Variants in ESRRG observed in about 807,000 individuals in gnomAD.
ESRRG encodes estrogen related receptor gamma.
ESRRG carries 13 observed loss-of-function variants against 44.0 expected under a neutral mutation model. The ratio of observed to expected loss-of-function variants is 0.30; its 90% CI spans 0.19 to 0.47. The LOEUF (loss-of-function observed/expected upper bound fraction) is 0.47, where lower values mean the gene tolerates loss of function less well. Among genes scored for constraint, ESRRG ranks in the 20% least tolerant of loss-of-function variants. The pLI, the probability that ESRRG is intolerant of heterozygous loss-of-function variation, is 1.00. For missense variants in ESRRG, 395 were observed against 580.6 expected, an observed-to-expected ratio of 0.68 and a Z score of 3.29; for synonymous variants, 215 against 214.6, an observed-to-expected ratio of 1.00 and a Z score of -0.02.
At chr1:216,559,720 T>C (rs2058342864) in intron 5 of ESRRG, among the ~76,000 whole-genome samples, 1 of 152,224 alleles carries the variant, frequency 6.6e-6, no homozygotes, top group South Asian at 2.1e-4. Context: ...TTAAGATGGG[T>C]ATTTTATCCA....
chr1:216,550,978 A>C (rs888154088), intron 5 of ESRRG, among the ~76,000 whole-genome samples: 1 of 152,158 alleles, frequency 6.6e-6, no homozygotes, highest in African/African-American at 2.4e-5. Context: ...AGAGAGCCGC[A>C]GAACGGTCAA....
intron 2 of ESRRG, among the ~76,000 whole-genome samples, chr1:216,932,030 G>A (rs1047741896): frequency 2.6e-5 from 4 of 151,796 alleles, no homozygotes; most frequent in South Asian, 2.1e-4. Context: ...ATGGTGAAAC[G>A]TGGTCTCTAC....
chr1:216,885,596 C>T (rs2096504198), intron 2 of ESRRG, among the ~76,000 whole-genome samples: 1 of 151,126 alleles, frequency 6.6e-6, no homozygotes, highest in African/African-American at 2.4e-5. Context: ...TTGATGCAAT[C>T]TTAAAGGTTT....
chr1:216,680,853 A>G (rs1398404030), intron 1 of ESRRG, among the ~76,000 whole-genome samples: 1 of 152,194 alleles, frequency 6.6e-6, no homozygotes, highest in Non-Finnish European at 1.5e-5. Flanking sequence ...CTTCACTTCA[A>G]TCTAAAATTA....
intron 2 of ESRRG, among the ~76,000 whole-genome samples, chr1:216,912,950 C>T (rs557797574): frequency 7.3e-4 from 111 of 151,618 alleles, no homozygotes; most frequent in Non-Finnish European, 1.5e-3. Context: ...GATGAAACCT[C>T]GTCTCTACTA....
At chr1:216,535,460 A>G (rs2050660098) in intron 5 of ESRRG, among the ~76,000 whole-genome samples, 1 of 151,848 alleles carries the variant, frequency 6.6e-6, no homozygotes, top group Non-Finnish European at 1.5e-5. Flanking sequence ...TGCAAACATG[A>G]TCTCACCTCC....
chr1:216,722,174 T>C (rs2152072523), intron 1 of ESRRG, among the ~76,000 whole-genome samples: 1 of 152,374 alleles, frequency 6.6e-6, no homozygotes, highest in South Asian at 2.1e-4. Flanking sequence ...TTTGATATTT[T>C]CTTCACAATC....
At chr1:216,574,348 T>TA (rs907997790) in intron 3 of ESRRG, among the ~76,000 whole-genome samples, 4 of 151,692 alleles carry the variant, frequency 2.6e-5, no homozygotes, top group Non-Finnish European at 5.9e-5. Flanking sequence ...GGGCAAGGAG[T>TA]AAAAAAAATG....
chr1:216,559,425 C>T (rs545572988), intron 5 of ESRRG, among the ~76,000 whole-genome samples: 1 of 152,268 alleles, frequency 6.6e-6, no homozygotes, highest in Non-Finnish European at 1.5e-5. Context: ...AAACTTGGAG[C>T]CAGTTAAGAG....
intron 1 of ESRRG, among the ~76,000 whole-genome samples, chr1:216,722,308 C>T (rs2086510053): frequency 6.6e-6 from 1 of 152,116 alleles, no homozygotes; most frequent in Non-Finnish European, 1.5e-5. Flanking sequence ...TGACAGCTCT[C>T]GTGATATACT....
rs367582979 is a variant in ESRRG, at chr1:216,831,436, AGGAAAACAAG to A, written c.-14+108136_-14+108145del. On this transcript the variant is annotated intron_variant, in intron 2 of 7. Transcript: ENST00000359162. ...TGAAGCCTGAGGAGACAGAGCTCTG[AGGAAAACAAG>A]GGAAAACAAAGGTTTTTCAGCCTCT... Among the ~76,000 whole-genome samples, 442 of 151,820 alleles carry A rather than the reference AGGAAAACAAG, an allele frequency of 2.9e-3. 3 individuals carry two copies. Among genetic ancestry groups the A allele is most frequent in the Middle Eastern group, 0.01 (3 of 294 alleles).
At position 216,934,713 on chromosome 1, in the gene ESRRG, C is replaced by T. The variant is rs574012868; in HGVS notation, c.-14+4869G>A. 2.0e-5 allele frequency among the ~76,000 whole-genome samples: 3 copies of T among 152,258 alleles called. No homozygotes were observed. The East Asian group carries it at 5.8e-4, about 30-fold the overall frequency. ...GTTATCTCCCACATGGTCCCTCCCA[C>T]AACACATGGGAATTATGGGAGCTAC... On this transcript the variant is annotated intron_variant, in intron 2 of 7. Transcript: ENST00000359162.
intron 2 of ESRRG, among the ~76,000 whole-genome samples, chr1:216,818,825 T>G (rs2095223048): frequency 6.6e-6 from 1 of 152,136 alleles, no homozygotes; most frequent in African/African-American, 2.4e-5. Context: ...CCATGTGTTC[T>G]CATCACTCAG....
intron 5 of ESRRG, among the ~76,000 whole-genome samples, chr1:216,563,215 G>A (rs979163410): frequency 5.9e-5 from 9 of 152,104 alleles, no homozygotes; most frequent in African/African-American, 1.9e-4. Context: ...GAACTACAAC[G>A]AACAAAGCCA....
At chr1:216,892,728 A>C (rs1183491854) in intron 2 of ESRRG, among the ~76,000 whole-genome samples, 1 of 152,186 alleles carries the variant, frequency 6.6e-6, no homozygotes, top group African/African-American at 2.4e-5. Flanking sequence ...ATGGCAATGA[A>C]CACAGCACTG....
intron 5 of ESRRG, among the ~76,000 whole-genome samples, chr1:216,552,314 T>A (rs2056570699): frequency 6.6e-6 from 1 of 152,162 alleles, no homozygotes; most frequent in Admixed American, 6.6e-5. Flanking sequence ...TGAAAAACTG[T>A]TAGTGATAAT....
At chr1:216,794,125 T>C (rs1007019840) in intron 2 of ESRRG, among the ~76,000 whole-genome samples, 27 of 152,326 alleles carry the variant, frequency 1.8e-4, no homozygotes, top group African/African-American at 6.3e-4. Context: ...TTAGGAAGCC[T>C]TGGCCTTCTG....
chr1:217,041,430 T>C (rs376610622), intron 1 of ESRRG, among the ~76,000 whole-genome samples: 11 of 152,144 alleles, frequency 7.2e-5, no homozygotes, highest in African/African-American at 1.7e-4. Context: ...CTCACACACA[T>C]ATGTATATAT....
chr1:216,594,344 G>T (rs943262039), intron 3 of ESRRG, among the ~76,000 whole-genome samples: 1 of 152,134 alleles, frequency 6.6e-6, no homozygotes, highest in Admixed American at 6.5e-5. Context: ...GTAATCTAGA[G>T]ACAATAATAT....
Sources: gnomAD v4.1 joint callset for allele counts (sites outside exome capture counted in the v4.1 genomes callset) on GRCh38, gnomAD v4.1.1 for gene constraint, MANE v1.5 for transcripts, NCBI Gene and HGNC (gene_info 2026-07-23, HGNC 2026-07-21) for gene names.